COL23A1: variants seen among roughly 807,000 people sequenced by gnomAD.
COL23A1 encodes collagen alpha-1(XXIII) chain.
COL23A1 carries 97 observed loss-of-function variants against 99.3 expected under a neutral mutation model. That is an observed-to-expected ratio of 0.98 (90% CI 0.83 to 1.16). The LOEUF is 1.16. Ranked by LOEUF, COL23A1 falls within the 50% of genes most tolerant of loss-of-function variation. The probability of loss-of-function intolerance (pLI) is 0.00; values close to 1 mark genes in which losing one functional copy is unlikely to be tolerated. For synonymous variants in COL23A1, 320 were observed against 308.2 expected, an observed-to-expected ratio of 1.04 and a Z score of -0.40; for missense variants, 762 against 757.4, an observed-to-expected ratio of 1.01 and a Z score of -0.07.
chr5:178,508,496 C>T (rs1759005339), intron 2 of COL23A1, among the ~76,000 whole-genome samples: 1 of 152,148 alleles, frequency 6.6e-6, no homozygotes, highest in Non-Finnish European at 1.5e-5. Context: ...TTAGCCAGCT[C>T]CCATGACACC....
chr5:178,270,677 C>G (rs1292410049), intron 5 of COL23A1, among the ~76,000 whole-genome samples: 1 of 152,136 alleles, frequency 6.6e-6, no homozygotes, highest in African/African-American at 2.4e-5. Context: ...ACGGGGTCAG[C>G]GATGAGCCTG....
At chr5:178,519,521 G>T (rs1759825189) in intron 2 of COL23A1, among the ~76,000 whole-genome samples, 1 of 152,222 alleles carries the variant, frequency 6.6e-6, no homozygotes, top group South Asian at 2.1e-4. Flanking sequence ...ACTGGGCCCT[G>T]TGTGGTCTGA....
At chr5:178,358,441 ATG>A (rs1298500784) in intron 2 of COL23A1, among the ~76,000 whole-genome samples, 5 of 131,772 alleles carry the variant, frequency 3.8e-5, no homozygotes, top group Admixed American at 2.3e-4. Flanking sequence ...GTATGTGTGT[ATG>A]TGTGTATATG....
intron 17 of COL23A1, among the ~76,000 whole-genome samples, chr5:178,250,963 A>G (rs1187816617): frequency 1.4e-5 from 2 of 141,696 alleles, no homozygotes; most frequent in African/African-American, 5.3e-5. Flanking sequence ...TGGGCAAAAG[A>G]GCAAGACTCC....
At chr5:178,403,262 C>T (rs1329547037) in intron 2 of COL23A1, among the ~76,000 whole-genome samples, 1 of 152,088 alleles carries the variant, frequency 6.6e-6, no homozygotes, top group Non-Finnish European at 1.5e-5. Flanking sequence ...CCCCAATTTA[C>T]TGAGGACAAG....
At chr5:178,572,067 C>CAAAAAAAAAAAAAAAAAA (rs1288485909) in intron 1 of COL23A1, among the ~76,000 whole-genome samples, 5 of 54,324 alleles carry the variant, frequency 9.2e-5, no homozygotes, top group African/African-American at 7.5e-4. Context: ...GACTCTTTCT[C>CAAAAAAAAAAAAAAAAAA]AAAACAAAAA....
chr5:178,394,184 C>T (rs553333486), intron 2 of COL23A1, among the ~76,000 whole-genome samples: 249 of 152,350 alleles, frequency 1.6e-3, no homozygotes, highest in Non-Finnish European at 3.3e-3. Context: ...GCAGAGCATA[C>T]AGTCACTATC....
intron 2 of COL23A1, among the ~76,000 whole-genome samples, chr5:178,358,992 ACTGT>A (rs1257799352): frequency 1.3e-5 from 2 of 152,208 alleles, no homozygotes; most frequent in African/African-American, 4.8e-5. Context: ...GTCAAATCCA[ACTGT>A]CTAATAAAAG....
rs1562025638 is a variant in COL23A1, at chr5:178,498,240, ATATATATATATATAT to A, written c.361+62427_361+62441del. On this transcript the variant is annotated intron_variant, in intron 2 of 28. Transcript: ENST00000390654. ...TATATATATATATATATATATATAT[ATATATATATATATAT>A]ATAAAAGAACTTAAAAATAAAAAAA... 1.7e-3 allele frequency among the ~76,000 whole-genome samples: 112 copies of A among 65,716 alleles called. 5 individuals carry two copies. The highest frequency in any genetic ancestry group is 8.8e-3 in the African/African-American group (95 of 10,826). 43.1% of individuals were successfully genotyped at this position (65,716 alleles called of 152,430 possible).
In COL23A1 at chr5:178,590,323, T is replaced by A; in HGVS notation, c.-126A>T. The A allele has an allele frequency of 1.2e-6, 1 of 863,704 alleles. No homozygotes were observed. Among genetic ancestry groups the A allele is most frequent in the Non-Finnish European group, 1.5e-6 (1 of 675,130 alleles). 53.5% of individuals were successfully genotyped at this position (863,704 alleles called of 1,614,324 possible). The stretch of plus-strand genomic sequence containing the variant: ...CCGGGCGCGGGGGTTAGCCTCCGGG[T>A]AGCAGCGGATCGCCGCGCACGCCCC... On this transcript the variant is annotated 5_prime_UTR_variant, in exon 1 of 29. Coordinates refer to ENST00000390654, the MANE Select transcript of COL23A1 (RefSeq NM_173465.4). The surrounding 1 kb of genome is among the most constrained non-coding windows in gnomAD (Gnocchi z 5.7).
chr5:178,255,018 T>C lies in COL23A1; in HGVS notation c.891A>G (p.Pro297=), dbSNP rs1165726206. ...TDGAAGPRGA[P]GLKGEQGDTV... is the part of the protein sequence containing the mutation. ...TGTCTCCCTGCTCGCCCTTGAGGCC[T>C]GGGGCACCCTGAGGCAGGAAGAAGA... Residue 297 remains proline, a synonymous_variant, in exon 16 of 29, where the codon CCA becomes CCG. Coordinates refer to ENST00000390654, the MANE Select transcript of COL23A1 (RefSeq NM_173465.4). This position sits in a 1 kb window ranked among gnomAD's most constrained non-coding sequence, Gnocchi z 4.2. The C allele has an allele frequency of 1.2e-6, 2 of 1,613,026 alleles. No homozygotes were observed. Among genetic ancestry groups the C allele is most frequent in the African/African-American group, 2.7e-5 (2 of 74,850 alleles).
intron 1 of COL23A1, among the ~76,000 whole-genome samples, chr5:178,588,200 T>C (rs752448093): frequency 6.6e-6 from 1 of 152,062 alleles, no homozygotes; most frequent in Admixed American, 6.6e-5. Context: ...CAGGTAAAAT[T>C]CAGTGCAGCC....
intron 2 of COL23A1, chr5:178,351,334 C>T (rs902872300): frequency 4.6e-5 from 7 of 152,408 alleles, no homozygotes; most frequent in African/African-American, 1.7e-4. Flanking sequence ...GCAGGAACCA[C>T]ATTTTCTCCC....
intron 2 of COL23A1, among the ~76,000 whole-genome samples, chr5:178,502,258 A>T (rs1308082890): frequency 6.6e-6 from 1 of 152,046 alleles, no homozygotes; most frequent in Non-Finnish European, 1.5e-5. Flanking sequence ...CAGCCTCCCT[A>T]GCAGCTGGGA....
chr5:178,300,576 G>A (rs1427052325), intron 3 of COL23A1, among the ~76,000 whole-genome samples: 2 of 150,524 alleles, frequency 1.3e-5, no homozygotes, highest in Non-Finnish European at 3.0e-5. Flanking sequence ...TTGAGACAGA[G>A]TCTCACTGTG....
At chr5:178,461,250 G>A (rs1014580493) in intron 2 of COL23A1, among the ~76,000 whole-genome samples, 5 of 152,196 alleles carry the variant, frequency 3.3e-5, no homozygotes, top group African/African-American at 9.7e-5. Flanking sequence ...CCACCGCCAC[G>A]AGTCCAGCCT....
At chr5:178,326,866 C>CA (rs1759701446) in intron 2 of COL23A1, among the ~76,000 whole-genome samples, 1 of 152,188 alleles carries the variant, frequency 6.6e-6, no homozygotes, top group Non-Finnish European at 1.5e-5. Flanking sequence ...ACTACAGGCG[C>CA]CTGCCACCAC....
intron 2 of COL23A1, among the ~76,000 whole-genome samples, chr5:178,371,789 C>T (rs1163874143): frequency 1.3e-5 from 2 of 152,220 alleles, no homozygotes; most frequent in Admixed American, 6.5e-5. Flanking sequence ...GCTGAGCCCC[C>T]ACCGCCCCAG....
chr5:178,337,544 G>T (rs183217235), intron 2 of COL23A1, among the ~76,000 whole-genome samples: 178 of 152,318 alleles, frequency 1.2e-3, no homozygotes, highest in African/African-American at 4.0e-3. Context: ...GACGGAGTGG[G>T]GTGCAGGGTT....
Sources: allele counts gnomAD v4.1 joint callset (sites outside exome capture counted in the v4.1 genomes callset), GRCh38; gene constraint gnomAD v4.1.1; non-coding constraint Gnocchi (gnomAD v3.1); transcripts MANE v1.5; gene names NCBI Gene and HGNC (gene_info 2026-07-23, HGNC 2026-07-21).